The following CFAP299 variants were observed in gnomAD, a reference collection of about 807,000 sequenced individuals.
CFAP299 encodes cilia and flagella associated protein 299, also known as cilia- and flagella-associated protein 299.
CFAP299 carries 21 observed loss-of-function variants against 27.0 expected under a neutral mutation model. That is an observed-to-expected ratio of 0.78 (90% CI 0.55 to 1.12). The LOEUF (loss-of-function observed/expected upper bound fraction) is 1.12. CFAP299 is among the 50% of genes most tolerant of loss of function. The probability of loss-of-function intolerance (pLI) is 0.00; values close to 1 mark genes in which losing one functional copy is unlikely to be tolerated. For synonymous variants in CFAP299, 104 were observed against 98.1 expected (o/e 1.06, Z -0.36); for missense variants, 310 against 276.6 (o/e 1.12, Z -0.86).
chr4:80,869,324 T>A (rs764311467), intron 3 of CFAP299, among the ~76,000 whole-genome samples: 1 of 152,090 alleles, frequency 6.6e-6, no homozygotes, highest in Non-Finnish European at 1.5e-5. Flanking sequence ...AACTAATCCA[T>A]CACAACACTT....
intron 5 of CFAP299, among the ~76,000 whole-genome samples, chr4:80,947,364 A>G (rs181821028): frequency 1.5e-4 from 23 of 152,306 alleles, no homozygotes; most frequent in African/African-American, 5.1e-4. Flanking sequence ...AATTAATAGT[A>G]GACTTATGAA....
At chr4:80,327,547 C>T in the CFAP299 span, among the ~76,000 whole-genome samples, 2 of 150,802 alleles carry the variant, frequency 1.3e-5, no homozygotes, top group African/African-American at 4.9e-5. Flanking sequence ...AGGAAGGCAG[C>T]AAAAGGGAAA....
intron 3 of CFAP299, among the ~76,000 whole-genome samples, chr4:80,808,566 G>A (rs976401640): frequency 6.6e-6 from 1 of 152,012 alleles, no homozygotes; most frequent in Admixed American, 6.6e-5. Flanking sequence ...GGAGGTCTTT[G>A]ATTTCAGTAT....
chr4:80,535,494 C>CAAAAAAA lies in CFAP299; in HGVS notation c.243-47575_243-47569dup. On this transcript the variant is annotated intron_variant, in intron 2 of 5. Transcript: ENST00000358105. ...TGGGCGACAGAGCGAGACTCCGTCT[C>CAAAAAAA]AAAAAAAAAAAAAAAAAAAAAAAAA... 9.0e-4 allele frequency among the ~76,000 whole-genome samples: 30 copies of CAAAAAAA among 33,274 alleles called. 1 individual carries two copies. The highest frequency in any genetic ancestry group is 1.8e-3 in the Non-Finnish European group (22 of 12,136). 21.8% of individuals were successfully genotyped at this position (33,274 alleles called of 152,430 possible). A position where few individuals can be genotyped will look rare whatever the true frequency, so the allele number is the denominator to read the frequency against.
chr4:80,324,017 G>A, the CFAP299 span, among the ~76,000 whole-genome samples: 40 of 152,060 alleles, frequency 2.6e-4, no homozygotes, highest in Non-Finnish European at 5.4e-4. Context: ...TGTGCAGAAC[G>A]TGCAGGTTTG....
intron 2 of CFAP299, among the ~76,000 whole-genome samples, chr4:80,478,196 C>T (rs1010516126): frequency 8.5e-5 from 13 of 152,198 alleles, no homozygotes; most frequent in East Asian, 5.8e-4. Flanking sequence ...ACTTTTAAAA[C>T]GTATCCAGTG....
intron 4 of CFAP299, among the ~76,000 whole-genome samples, chr4:80,891,755 T>TA (rs1187650763): frequency 2.3e-4 from 11 of 47,290 alleles, no homozygotes; most frequent in Non-Finnish European, 3.3e-4. Context: ...CCCTAAAACT[T>TA]AGAGTATAAT....
chr4:80,918,223 T>C (rs1383366963), intron 4 of CFAP299, among the ~76,000 whole-genome samples: 1 of 152,174 alleles, frequency 6.6e-6, no homozygotes, highest in Non-Finnish European at 1.5e-5. Flanking sequence ...TCACAACACA[T>C]CTGAAATAAG....
intron 2 of CFAP299, among the ~76,000 whole-genome samples, chr4:80,445,506 A>G (rs1728576567): frequency 6.6e-6 from 1 of 152,170 alleles, no homozygotes; most frequent in African/African-American, 2.4e-5. Context: ...GGGGAATGTC[A>G]TACACCGAGG....
rs186448677 is a variant in CFAP299, at chr4:80,809,451, C to G, written c.334-60542C>G. Among the ~76,000 whole-genome samples the G allele has an allele frequency of 3.8e-3, 582 of 152,104 alleles. 1 individual carries two copies. The highest frequency in any genetic ancestry group is 0.01 in the Middle Eastern group (3 of 294). Reference sequence around the variant, plus strand: ...CTTTTTCTTAATGGCTTAAAGAGACCCTTTGCATTCTGTGAAAGGCAGAGA... The same window carrying G: ...CTTTTTCTTAATGGCTTAAAGAGACGCTTTGCATTCTGTGAAAGGCAGAGA... On this transcript the variant is annotated intron_variant, in intron 3 of 5. Transcript: ENST00000358105.
intron 3 of CFAP299, among the ~76,000 whole-genome samples, chr4:80,668,528 G>T (rs903639749): frequency 4.6e-5 from 7 of 152,060 alleles, no homozygotes; most frequent in Admixed American, 4.6e-4. Context: ...TGATTATCCA[G>T]TTTCTCCAGC....
upstream of CFAP299, among the ~76,000 whole-genome samples, chr4:80,331,309 C>G (rs527538433): frequency 6.6e-6 from 1 of 152,016 alleles, no homozygotes; most frequent in South Asian, 2.1e-4. Context: ...GTCAAAAAGA[C>G]AAAACAAAAC....
chr4:80,786,855 A>G (rs1727274629), intron 3 of CFAP299, among the ~76,000 whole-genome samples: 1 of 152,096 alleles, frequency 6.6e-6, no homozygotes, highest in South Asian at 2.1e-4. Flanking sequence ...TTAAATCTGG[A>G]TGACAATTTA....
intron 3 of CFAP299, among the ~76,000 whole-genome samples, chr4:80,823,100 A>G (rs1167970855): frequency 6.6e-6 from 1 of 152,198 alleles, no homozygotes; most frequent in Non-Finnish European, 1.5e-5. Flanking sequence ...GTCTTAAAGA[A>G]TTCCACCTGG....
chr4:80,904,655 T>A (rs1156642226), intron 4 of CFAP299, among the ~76,000 whole-genome samples: 1 of 152,172 alleles, frequency 6.6e-6, no homozygotes, highest in Non-Finnish European at 1.5e-5. Context: ...ATGTTTCTTA[T>A]AGGCTGTAGG....
At chr4:80,731,764 A>G (rs769987492) in intron 3 of CFAP299, among the ~76,000 whole-genome samples, 19 of 152,142 alleles carry the variant, frequency 1.2e-4, no homozygotes, top group Admixed American at 3.3e-4. Flanking sequence ...GTTGATGTTT[A>G]TCAGCTATTC....
intron 3 of CFAP299, among the ~76,000 whole-genome samples, chr4:80,728,028 A>C (rs1407771423): frequency 2.0e-5 from 3 of 152,092 alleles, no homozygotes; most frequent in Non-Finnish European, 4.4e-5. Context: ...AATGAATAAC[A>C]AAAACAATTT....
the CFAP299 span, among the ~76,000 whole-genome samples, chr4:80,327,721 T>A: frequency 2.5e-4 from 33 of 132,720 alleles, no homozygotes; most frequent in South Asian, 7.6e-3. Context: ...TATATATATA[T>A]AACTTCAATA....
At chr4:80,884,478 C>T (rs1449776145) in intron 4 of CFAP299, among the ~76,000 whole-genome samples, 1 of 151,984 alleles carries the variant, frequency 6.6e-6, no homozygotes, top group African/African-American at 2.4e-5. Flanking sequence ...AATGGTAATA[C>T]ACCATACCCA....
Sources: gnomAD v4.1 joint callset for allele counts (sites outside exome capture counted in the v4.1 genomes callset) on GRCh38, gnomAD v4.1.1 for gene constraint, MANE v1.5 for transcripts, NCBI Gene and HGNC (gene_info 2026-07-23, HGNC 2026-07-21) for gene names.